Variants in MYLK observed in about 807,000 individuals in gnomAD.
The protein encoded by MYLK is myosin light chain kinase, smooth muscle.
A neutral mutation model predicts 203.4 loss-of-function variants in MYLK; 106 were observed. That is an observed-to-expected ratio of 0.52 (90% CI 0.45 to 0.61). MYLK has a LOEUF of 0.61. Among genes scored for constraint, MYLK ranks in the 20% least tolerant of loss-of-function variants. The pLI is 0.00. For synonymous variants in MYLK, 867 were observed against 959.5 expected, an observed-to-expected ratio of 0.90 and a Z score of 1.78; for missense variants, 2,072 against 2,442.3, an observed-to-expected ratio of 0.85 and a Z score of 3.20.
chr3:123,723,400 G>T (rs531770947), intron 12 of MYLK, among the ~76,000 whole-genome samples: 7 of 152,202 alleles, frequency 4.6e-5, no homozygotes, highest in Non-Finnish European at 1.0e-4. Context: ...GGAAAGGCAG[G>T]GGCCTGGATC....
intron 3 of MYLK, among the ~76,000 whole-genome samples, chr3:123,827,920 A>T (rs528202898): frequency 7.9e-5 from 12 of 151,448 alleles, no homozygotes; most frequent in Admixed American, 5.3e-4. Context: ...AATAGGAATA[A>T]ATTTAACCAA....
At chr3:123,787,449 C>T (rs1002967481) in intron 4 of MYLK, among the ~76,000 whole-genome samples, 4 of 152,080 alleles carry the variant, frequency 2.6e-5, no homozygotes, top group Non-Finnish European at 4.4e-5. Context: ...GGCAAGACAC[C>T]GGGAGTCTTA....
chr3:123,722,368 G>A (rs2062123064), intron 12 of MYLK, 88 bp from the exon 13 acceptor site: 1 of 1,185,478 alleles, frequency 8.4e-7, no homozygotes, highest in Admixed American at 2.1e-5. Context: ...CTGCTGTCAT[G>A]ACGCTGAGAC....
intron 2 of MYLK, among the ~76,000 whole-genome samples, chr3:123,837,471 A>ATACATATTATATATAAT (rs1435896964): frequency 2.4e-4 from 36 of 147,850 alleles, no homozygotes; most frequent in African/African-American, 8.6e-4. Flanking sequence ...TATATTATAT[A>ATACATATTATATATAAT]TACATATTAT....
chr3:123,778,731 T>C (rs2064174969), intron 4 of MYLK, among the ~76,000 whole-genome samples: 1 of 152,154 alleles, frequency 6.6e-6, no homozygotes. Context: ...GGTGTGACCT[T>C]TGTTTCCATC....
At chr3:123,875,678 A>G (rs1186977806) in intron 2 of MYLK, among the ~76,000 whole-genome samples, 2 of 152,226 alleles carry the variant, frequency 1.3e-5, no homozygotes, top group Admixed American at 1.3e-4. Context: ...TACATGAGAA[A>G]GAAAAAGAGT....
chr3:123,732,940 T>G lies in MYLK; in HGVS notation c.1472A>C (p.Asn491Thr). The change falls in exon 11 of 34, where the codon AAC becomes ACC. Residue 491 changes from asparagine (N) to threonine (T), a missense_variant. This residue lies in a region of MYLK where 683 missense variants were observed against 643.8 expected (regional missense o/e 1.06). Coordinates refer to ENST00000360304, the MANE Select transcript of MYLK (RefSeq NM_053025.4). ...DSGTYSCTASNAQGQLSCSWT... is the reference protein window; with the variant it reads ...DSGTYSCTASTAQGQLSCSWT... ...GCTACAGGACAGCTGGCCTTGGGCG[T>G]TGGAAGCAGTGCAGCTGTATGTCCC... The G allele has an allele frequency of 6.2e-7, 1 of 1,614,156 alleles. No homozygotes were observed. Among genetic ancestry groups the G allele is most frequent in the Non-Finnish European group, 8.5e-7 (1 of 1,180,024 alleles).
Position 123,700,589 on chromosome 3 carries a change from T to A in MYLK, c.2879A>T (p.Lys960Met). The part of the protein sequence containing the change: ...QVDFRSVLAK[K>M]GTSKTPVPEK... ...AGGCACGGGGGTCTTGGAAGTCCCC[T>A]TCTTGGCCAGGACAGAGCGAAAATC... is the stretch of plus-strand genomic sequence containing the variant. The change falls in exon 18 of 34, where the codon AAG (lysine) becomes ATG (methionine). Residue 960 changes from lysine (K) to methionine (M), a missense_variant. By Grantham distance (95) the Lys-to-Met change is moderately conservative (BLOSUM62 -1). Coordinates refer to ENST00000360304, the MANE Select transcript of MYLK (RefSeq NM_053025.4). The A allele has an allele frequency of 1.2e-6, 2 of 1,613,746 alleles. No homozygotes were observed. The highest frequency in any genetic ancestry group is 1.7e-6 in the Non-Finnish European group (2 of 1,179,964).
At chr3:123,686,228 G>A (rs1049348018) in intron 19 of MYLK, among the ~76,000 whole-genome samples, 1 of 152,198 alleles carries the variant, frequency 6.6e-6, no homozygotes, top group African/African-American at 2.4e-5. Flanking sequence ...TCCTTTGCTT[G>A]TGTCCCCAAA....
At chr3:123,720,438 G>A (rs1340754202) in intron 13 of MYLK, among the ~76,000 whole-genome samples, 1 of 151,682 alleles carries the variant, frequency 6.6e-6, no homozygotes, top group Non-Finnish European at 1.5e-5. Flanking sequence ...GCTGAGCCAC[G>A]GCGGCTCTAC....
chr3:123,835,674 A>T (rs2066458826), intron 2 of MYLK, among the ~76,000 whole-genome samples: 1 of 152,146 alleles, frequency 6.6e-6, no homozygotes, highest in Non-Finnish European at 1.5e-5. Flanking sequence ...TTTCTCTCTG[A>T]CCTTCTTCTT....
intron 20 of MYLK, among the ~76,000 whole-genome samples, chr3:123,678,484 T>C (rs1374971103): frequency 6.6e-6 from 1 of 151,998 alleles, no homozygotes; most frequent in African/African-American, 2.4e-5. Flanking sequence ...TGGATGCCCT[T>C]GGCTTTTCCC....
chr3:123,776,445 A>G (rs1167728833), intron 4 of MYLK, among the ~76,000 whole-genome samples: 2 of 152,226 alleles, frequency 1.3e-5, no homozygotes, highest in Non-Finnish European at 2.9e-5. Context: ...CCAAGGAAAT[A>G]ATATTAAATA....
At chr3:123,679,052 T>C (rs2060168507) in intron 20 of MYLK, among the ~76,000 whole-genome samples, 1 of 152,172 alleles carries the variant, frequency 6.6e-6, no homozygotes, top group African/African-American at 2.4e-5. Context: ...CTCACGCCTG[T>C]AATCCCAGCA....
Position 123,629,873 on chromosome 3 carries a change from C to T in MYLK, c.4962-247G>A, listed in dbSNP as rs2058337137. ...GTGAGGCTGAGGTGCAGCAGGTTGG[C>T]TTTAGATTACGGGCTTCTGCAGGGT... On this transcript the variant is annotated intron_variant, in intron 29 of 33. Transcript: ENST00000360304. The surrounding 1 kb of genome is among the most constrained non-coding windows in gnomAD (Gnocchi z 4.4). 1 of 541,426 alleles carries T rather than the reference C, an allele frequency of 1.8e-6. No homozygotes were observed. Among genetic ancestry groups the T allele is most frequent in the Non-Finnish European group, 3.3e-6 (1 of 300,508 alleles). 33.5% of individuals were successfully genotyped at this position (541,426 alleles called of 1,614,324 possible).
chr3:123,615,327 C>A (rs1442331756), intron 33 of MYLK, among the ~76,000 whole-genome samples: 1 of 151,814 alleles, frequency 6.6e-6, no homozygotes, highest in Non-Finnish European at 1.5e-5. Context: ...ATTGAAAATA[C>A]AATTTTCTTT....
chr3:123,862,959 G>A (rs1029236502), intron 2 of MYLK, among the ~76,000 whole-genome samples: 6 of 152,248 alleles, frequency 3.9e-5, no homozygotes, highest in African/African-American at 1.2e-4. Context: ...CTGCACTCAC[G>A]TTGAAAACCT....
At chr3:123,699,298 C>G (rs1461123721) in intron 18 of MYLK, among the ~76,000 whole-genome samples, 2 of 152,166 alleles carry the variant, frequency 1.3e-5, no homozygotes, top group Non-Finnish European at 2.9e-5. Context: ...ACTCCAGACC[C>G]CAAAAGTCCA....
chr3:123,678,439 C>T lies in MYLK; in HGVS notation c.3652+3785G>A, dbSNP rs141791169. On this transcript the variant is annotated intron_variant, in intron 20 of 33. Coordinates refer to ENST00000360304, the MANE Select transcript of MYLK (RefSeq NM_053025.4). ...TGGCCGGTTAACTTGTACTTCTGTC[C>T]GCTTTCTCTCACCCCGTCCTTGCTT... Among the ~76,000 whole-genome samples the T allele has an allele frequency of 2.3e-3, 350 of 152,166 alleles. 6 individuals carry two copies. In the East Asian group the frequency reaches 0.027, roughly 12 times the overall value.
Sources: allele counts gnomAD v4.1 joint callset (sites outside exome capture counted in the v4.1 genomes callset), GRCh38; gene constraint gnomAD v4.1.1; regional missense constraint gnomAD v4.1.1; non-coding constraint Gnocchi (gnomAD v3.1); transcripts MANE v1.5; gene names NCBI Gene and HGNC (gene_info 2026-07-23, HGNC 2026-07-21).